ARPC2: variants seen among roughly 807,000 people sequenced by gnomAD.
ARPC2 encodes the protein actin related protein 2/3 complex subunit 2.
A neutral mutation model predicts 38.6 loss-of-function variants in ARPC2; 4 were observed. The ratio of observed to expected loss-of-function variants is 0.10; its 90% CI spans 0.05 to 0.24. ARPC2 has a LOEUF of 0.24. ARPC2 is among the 10% of genes least tolerant of loss of function. The pLI is 1.00. For synonymous variants in ARPC2, 125 were observed against 140.8 expected (o/e 0.89, Z 0.79); for missense variants, 229 against 387.3 (o/e 0.59, Z 3.43).
intron 5 of ARPC2, among the ~76,000 whole-genome samples, chr2:218,237,847 T>TG (rs1361534857): frequency 1.2e-4 from 19 of 152,096 alleles, no homozygotes; most frequent in Non-Finnish European, 2.6e-4. Flanking sequence ...GGATTACAGG[T>TG]GTGAGCCACC....
chr2:218,252,736 G>GCATGCTTGTGCAT (rs1690222736), intron 10 of ARPC2, among the ~76,000 whole-genome samples: 1 of 152,198 alleles, frequency 6.6e-6, no homozygotes, highest in South Asian at 2.1e-4. Context: ...CCAGGAGGAA[G>GCATGCTTGTGCAT]GCCTGTTAGG....
intron 2 of ARPC2, among the ~76,000 whole-genome samples, chr2:218,221,735 G>C (rs1390811687): frequency 6.6e-6 from 1 of 152,216 alleles, no homozygotes; most frequent in Non-Finnish European, 1.5e-5. Flanking sequence ...TTGTGACATT[G>C]AGTAAATCAG....
intron 2 of ARPC2, 73 bp from the exon 3 acceptor site, chr2:218,225,847 G>A: frequency 7.0e-7 from 1 of 1,427,868 alleles, no homozygotes; most frequent in Non-Finnish European, 9.9e-7. Flanking sequence ...AAGCTCAGGT[G>A]CCTTTCCAGT....
intron 5 of ARPC2, among the ~76,000 whole-genome samples, chr2:218,238,151 T>C (rs1689817325): frequency 6.6e-6 from 1 of 152,234 alleles, no homozygotes; most frequent in African/African-American, 2.4e-5. Context: ...TTTTCTACCC[T>C]GCCACCTCAT....
At chr2:218,244,897 G>T (rs961857777) in intron 7 of ARPC2, among the ~76,000 whole-genome samples, 3 of 152,200 alleles carry the variant, frequency 2.0e-5, no homozygotes, top group African/African-American at 7.2e-5. Flanking sequence ...TGTATTACTT[G>T]TCTATTTACA....
At chr2:218,226,584 G>A (rs1472329742) in intron 3 of ARPC2, among the ~76,000 whole-genome samples, 2 of 125,532 alleles carry the variant, frequency 1.6e-5, no homozygotes, top group South Asian at 2.7e-4. Context: ...AGCAGACATC[G>A]CGCCACTGCA....
intron 7 of ARPC2, among the ~76,000 whole-genome samples, chr2:218,244,439 C>T (rs368919514): frequency 8.5e-5 from 13 of 152,374 alleles, no homozygotes; most frequent in East Asian, 5.8e-4. Flanking sequence ...GGTAGAAGCA[C>T]TTGCTTTCTC....
At chr2:218,227,693 C>T (rs1559476673) in intron 3 of ARPC2, among the ~76,000 whole-genome samples, 2 of 152,048 alleles carry the variant, frequency 1.3e-5, no homozygotes, top group African/African-American at 2.4e-5. Context: ...CGGGTTCAAG[C>T]GATTCTCCTG....
chr2:218,230,287 CTTTTTTTTT>C (rs768585570), intron 4 of ARPC2, among the ~76,000 whole-genome samples: 2 of 73,006 alleles, frequency 2.7e-5, no homozygotes, highest in Admixed American at 1.9e-4. Context: ...TTTTTTTTTT[CTTTTTTTTT>C]TTTTTTTTTT....
chr2:218,245,358 C>T, intron 7 of ARPC2, 62 bp from the exon 8 acceptor site: 1 of 1,606,252 alleles, frequency 6.2e-7, no homozygotes, highest in Admixed American at 1.7e-5. Context: ...AACCCTATAG[C>T]TTGAGTTGCC....
rs749920529 is a variant in ARPC2, at chr2:218,238,826, T to C, written c.431T>C (p.Ile144Thr). ...EGKEGENRAV[I>T]HYRDDETMYV... ...AAGGAAGGAGAGAACAGGGCAGTTA[T>C]CCATTATAGGGATGATGAGACCATG... is the stretch of plus-strand genomic sequence containing the variant. Residue 144 changes from isoleucine to threonine, a missense_variant, in exon 6 of 11, where the codon ATC becomes ACC. Physicochemically the swap from Ile to Thr is moderately conservative, Grantham distance 89. Coordinates refer to ENST00000315717, the MANE Select transcript of ARPC2 (RefSeq NM_152862.3). 1.9e-6 allele frequency: 3 copies of C among 1,613,752 alleles called. No individual in the cohort carries two copies. The highest frequency in any genetic ancestry group is 1.3e-5 in the African/African-American group (1 of 75,018).
intron 7 of ARPC2, among the ~76,000 whole-genome samples, chr2:218,244,101 C>T (rs1026189306): frequency 1.3e-5 from 2 of 152,242 alleles, no homozygotes; most frequent in Middle Eastern, 3.2e-3. Flanking sequence ...AAGCTTTGCT[C>T]TAGAAATTTC....
chr2:218,245,610 ATC>A (rs1690013176), intron 8 of ARPC2, 64 bp downstream of exon 8: 1 of 1,591,182 alleles, frequency 6.3e-7, no homozygotes, highest in Non-Finnish European at 8.6e-7. Context: ...GAATACCTAA[ATC>A]TGCACAGAAC....
chr2:218,243,569 G>A lies in ARPC2; in HGVS notation c.550-1851G>A, dbSNP rs145726599. Among the ~76,000 whole-genome samples, 219 of 152,352 alleles carry A rather than the reference G, an allele frequency of 1.4e-3. 1 individual carries two copies. The highest frequency in any genetic ancestry group is 5.1e-3 in the African/African-American group (210 of 41,578). On this transcript the variant is annotated intron_variant, in intron 7 of 10. Transcript: ENST00000315717. ...TAGGCAGGTGGATCACTAGAGGCCA[G>A]TTTGAGACCAGCCTGGCCAACATGG...
rs571789910 is a variant in ARPC2 at position 218,249,327 on chromosome 2, C to T, written c.677-37C>T. ...CTTCCCCACCCTTTGGCATTTGTGT[C>T]GTGTCCTGACGCCTTGTTTGTGTCT... On this transcript the variant is annotated intron_variant, in intron 8 of 10. Transcript: ENST00000315717. 262 of 1,473,122 alleles carry T rather than the reference C, an allele frequency of 1.8e-4. 2 individuals are homozygous for T. The Middle Eastern group carries it at 8.9e-3, about 50-fold the overall frequency. The allele number at this position is 1,473,122 out of a possible 1,614,324, so 91.3% of individuals were successfully genotyped here. A position where few individuals can be genotyped will look rare whatever the true frequency, so the allele number is the denominator to read the frequency against.
Position 218,217,444 on chromosome 2 carries a change from C to G in ARPC2, c.-8-19C>G. On this transcript the variant is annotated intron_variant, in intron 1 of 10. Transcript: ENST00000315717. ...TACCCACCCTCACCGGCCCTTGTTT[C>G]TCCTTCCCCTGGGGGCAGCCGCCGC... 6.2e-7 allele frequency: 1 copy of G among 1,612,844 alleles called. No individual in the cohort carries two copies.
At chr2:218,246,466 GT>G (rs1690034654) in intron 8 of ARPC2, among the ~76,000 whole-genome samples, 1 of 152,138 alleles carries the variant, frequency 6.6e-6, no homozygotes, top group Non-Finnish European at 1.5e-5. Context: ...GGAGGCGGAG[GT>G]TGCAGTGAGC....
At chr2:218,221,323 C>T (rs1689380503) in intron 2 of ARPC2, among the ~76,000 whole-genome samples, 1 of 152,224 alleles carries the variant, frequency 6.6e-6, no homozygotes, top group Admixed American at 6.5e-5. Flanking sequence ...TAAATTAAAT[C>T]TTGCTGATAC....
chr2:218,253,218 A>G (rs114100377), intron 10 of ARPC2, among the ~76,000 whole-genome samples: 7,921 of 152,288 alleles, frequency 0.052, 373 homozygotes, highest in East Asian at 0.22. Flanking sequence ...CTGATTTCCC[A>G]TAGTTCTCAG....
Sources: allele counts gnomAD v4.1 joint callset (sites outside exome capture counted in the v4.1 genomes callset), GRCh38; gene constraint gnomAD v4.1.1; transcripts MANE v1.5; gene names NCBI Gene and HGNC (gene_info 2026-07-23, HGNC 2026-07-21).